KATNIP: variants seen among roughly 807,000 people sequenced by gnomAD.
The protein encoded by KATNIP is katanin-interacting protein.
In KATNIP, 126 loss-of-function variants were observed where a neutral mutation model predicts 174.0. The observed-to-expected ratio is 0.72, with a 90% CI of 0.63 to 0.84. The LOEUF (loss-of-function observed/expected upper bound fraction) is 0.84, where lower values mean the gene tolerates loss of function less well. KATNIP is among the 40% of genes least tolerant of loss of function. The pLI, the probability that KATNIP is intolerant of heterozygous loss-of-function variation, is 0.00. For missense variants in KATNIP, 1,958 were observed against 2,109.7 expected (o/e 0.93, Z 1.41); for synonymous variants, 810 against 835.7 (o/e 0.97, Z 0.53).
At chr16:27,641,698 A>G (rs1295880503) in intron 5 of KATNIP, among the ~76,000 whole-genome samples, 1 of 152,220 alleles carries the variant, frequency 6.6e-6, no homozygotes, top group Admixed American at 6.5e-5. Context: ...GTGCGTGTAA[A>G]TGACCTGGGA....
intron 2 of KATNIP, among the ~76,000 whole-genome samples, chr16:27,592,270 CTTTTTTTTT>C (rs71137799): frequency 0.011 from 490 of 44,842 alleles, 4 homozygotes; most frequent in African/African-American, 0.042. Context: ...GCATATATTA[CTTTTTTTTT>C]TTTTTTTTTT....
intron 3 of KATNIP, among the ~76,000 whole-genome samples, chr16:27,627,382 CAT>C (rs2142132098): frequency 6.6e-6 from 1 of 152,282 alleles, no homozygotes; most frequent in East Asian, 1.9e-4. Context: ...GAAGAAAATA[CAT>C]ATGTTAGGAA....
At chr16:27,626,177 C>A (rs771327117) in intron 3 of KATNIP, among the ~76,000 whole-genome samples, 58 of 152,110 alleles carry the variant, frequency 3.8e-4, no homozygotes, top group Admixed American at 7.9e-4. Context: ...TTTTATTCTG[C>A]CTTTTTCATC....
chr16:27,618,663 C>G (rs775390574), intron 3 of KATNIP, among the ~76,000 whole-genome samples, 162 bp downstream of exon 3: 1 of 152,210 alleles, frequency 6.6e-6, no homozygotes, highest in Non-Finnish European at 1.5e-5. Flanking sequence ...TCCTATTTCT[C>G]CATTCACTGA....
chr16:27,769,816 C>T lies in KATNIP; in HGVS notation c.3976-45C>T. 1.9e-6 allele frequency: 3 copies of T among 1,601,992 alleles called. No homozygotes were observed. In the South Asian group the frequency reaches 3.3e-5, roughly 18 times the overall value. ...CACGTCAGCACCGCTTCTGTCCCCA[C>T]ATGGCCTGCCTCCCTTCAGTCATGT... On this transcript the variant is annotated intron_variant, in intron 20 of 27. Transcript: ENST00000261588.
intron 1 of KATNIP, among the ~76,000 whole-genome samples, chr16:27,564,236 T>C (rs190236575): frequency 1.8e-3 from 270 of 152,306 alleles, no homozygotes; most frequent in African/African-American, 6.2e-3. Context: ...AAGTACCTAC[T>C]GTATGCAGGG....
rs555071537 is a variant in KATNIP at position 27,598,206 on chromosome 16, T to C, written c.64-20219T>C. Among the ~76,000 whole-genome samples, 5 of 149,570 alleles carry C rather than the reference T, an allele frequency of 3.3e-5. 1 individual carries two copies. In the South Asian group the frequency reaches 1.1e-3, roughly 32 times the overall value. On this transcript the variant is annotated intron_variant, in intron 2 of 27. Transcript: ENST00000261588. ...CAGCAAACTGAGAATGCGCCACCAT[T>C]GCACTGCAGCCTGGGCGACAGAGCA...
At chr16:27,574,092 TAGTG>T in intron 2 of KATNIP, 136 bp downstream of exon 2, 1 of 707,170 alleles carries the variant, frequency 1.4e-6, no homozygotes, top group Non-Finnish European at 2.4e-6. Context: ...GAGCAAATGA[TAGTG>T]AGCAACTAGA....
intron 5 of KATNIP, among the ~76,000 whole-genome samples, chr16:27,636,671 G>A (rs1258706270): frequency 6.6e-6 from 1 of 152,012 alleles, no homozygotes; most frequent in African/African-American, 2.4e-5. Flanking sequence ...CCCCAGAGCT[G>A]GCTGAGTAAC....
chr16:27,647,918 T>G (rs2077005669), intron 5 of KATNIP, among the ~76,000 whole-genome samples: 1 of 152,194 alleles, frequency 6.6e-6, no homozygotes, highest in East Asian at 1.9e-4. Flanking sequence ...TCCAAAATCC[T>G]GAGATTACAG....
intron 4 of KATNIP, among the ~76,000 whole-genome samples, chr16:27,629,929 ACTGG>A (rs2076437216): frequency 6.6e-6 from 1 of 152,214 alleles, no homozygotes; most frequent in Admixed American, 6.5e-5. Context: ...AGGAGGACTG[ACTGG>A]GCCCGGGAAG....
intron 8 of KATNIP, among the ~76,000 whole-genome samples, chr16:27,688,367 T>C (rs2078596672): frequency 6.6e-6 from 1 of 151,924 alleles, no homozygotes; most frequent in Non-Finnish European, 1.5e-5. Flanking sequence ...CTGAGGAGGG[T>C]GGATCTCCTG....
At chr16:27,627,408 A>T (rs976101233) in intron 3 of KATNIP, among the ~76,000 whole-genome samples, 3 of 152,210 alleles carry the variant, frequency 2.0e-5, no homozygotes, top group Non-Finnish European at 4.4e-5. Flanking sequence ...TTGTTCAGGC[A>T]TGAGTGATAG....
chr16:27,682,240 A>T (rs2078372218), intron 8 of KATNIP, among the ~76,000 whole-genome samples: 1 of 152,228 alleles, frequency 6.6e-6, no homozygotes, highest in Non-Finnish European at 1.5e-5. Context: ...GGTTACATTT[A>T]TTCACTACTT....
chr16:27,655,177 GATATATATATATATATATATATATAT>G (rs869205308), intron 6 of KATNIP, among the ~76,000 whole-genome samples: 2,392 of 38,584 alleles, frequency 0.062, 137 homozygotes, highest in East Asian at 0.24. Context: ...CCCTAGAATG[GATATATATATATATATATATATATAT>G]ATATATATAT....
rs141959163 is a variant in KATNIP, at chr16:27,623,910, A to G, written c.141-4751A>G. On this transcript the variant is annotated intron_variant, in intron 3 of 27. Transcript: ENST00000261588. The stretch of plus-strand genomic sequence containing the variant: ...GGGCCCTTGTGTTCAAAGGGTCCTC[A>G]TTGCCAGAGGCTCTGCCATTTCCCC... Among the ~76,000 whole-genome samples the G allele has an allele frequency of 2.3e-4, 35 of 149,516 alleles. 1 individual carries two copies. In the East Asian group the frequency reaches 7.1e-3, roughly 30 times the overall value.
rs572765852 is a variant in KATNIP, at chr16:27,639,568, C to T, written c.408+8406C>T. Among the ~76,000 whole-genome samples the T allele has an allele frequency of 3.3e-5, 5 of 152,276 alleles. No homozygotes were observed. The East Asian group carries it at 5.8e-4, about 18-fold the overall frequency. ...TTCCAGCAATTTACTGTGGGGTGGG[C>T]GTTCCTTAAAGGTCTCTAAAGCAAG... On this transcript the variant is annotated intron_variant, in intron 5 of 27. Transcript: ENST00000261588.
chr16:27,555,986 GGT>G (rs2089609011), intron 1 of KATNIP, among the ~76,000 whole-genome samples: 1 of 152,072 alleles, frequency 6.6e-6, no homozygotes, highest in Non-Finnish European at 1.5e-5. Context: ...AAATTAGCCA[GGT>G]GTGGTGGCGG....
rs758049963 is a variant in KATNIP, at chr16:27,778,431, C to A, written c.4802-143C>A. On this transcript the variant is annotated intron_variant, in intron 27 of 27. Coordinates refer to ENST00000261588, the MANE Select transcript of KATNIP (RefSeq NM_015202.5). ...GCTCCAGGCGGAGGGAAGGGGCCAG[C>A]GTGCCAGGCGCCCCGAGAGCAGGGA... 3.3e-5 allele frequency: 25 copies of A among 756,142 alleles called. No individual in the cohort carries two copies. The East Asian group carries it at 6.2e-4, about 19-fold the overall frequency. The allele number at this position is 756,142 out of a possible 1,614,324, so 46.8% of individuals were successfully genotyped here.
Sources: gnomAD v4.1 joint callset for allele counts (sites outside exome capture counted in the v4.1 genomes callset) on GRCh38, gnomAD v4.1.1 for gene constraint, MANE v1.5 for transcripts, NCBI Gene and HGNC (gene_info 2026-07-23, HGNC 2026-07-21) for gene names.